Variants in MTNR1B observed in about 807,000 individuals in gnomAD.
MTNR1B encodes the protein melatonin receptor 1B, also known as melatonin receptor type 1B.
A neutral mutation model predicts 7.0 loss-of-function variants in MTNR1B; 7 were observed. That is an observed-to-expected ratio of 1.00 (90% CI 0.57 to 1.88). The LOEUF (loss-of-function observed/expected upper bound fraction) is 1.88. Among genes scored for constraint, MTNR1B ranks in the 40% most tolerant of loss-of-function variants. The pLI, the probability that MTNR1B is intolerant of heterozygous loss-of-function variation, is 0.00. For synonymous variants in MTNR1B, 226 were observed against 208.2 expected (o/e 1.09, Z -0.74); for missense variants, 478 against 486.5 (o/e 0.98, Z 0.16).
At chr11:92,974,671 G>A (rs1212007259) in intron 1 of MTNR1B, among the ~76,000 whole-genome samples, 9 of 151,442 alleles carry the variant, frequency 5.9e-5, no homozygotes, top group South Asian at 4.2e-4. Flanking sequence ...GCGCAATCTC[G>A]GCTCACTGCA....
At chr11:92,972,447 CT>C (rs762498015) in intron 1 of MTNR1B, 31 of 423,308 alleles carry the variant, frequency 7.3e-5, no homozygotes, top group South Asian at 1.4e-4. Context: ...GATTAATTGT[CT>C]TTTTTTTTTC....
At chr11:92,978,415 C>T (rs1209496683) in intron 1 of MTNR1B, among the ~76,000 whole-genome samples, 3 of 152,182 alleles carry the variant, frequency 2.0e-5, no homozygotes, top group Non-Finnish European at 4.4e-5. Flanking sequence ...TCCACTAATA[C>T]ACCCTATCTG....
intron 1 of MTNR1B, among the ~76,000 whole-genome samples, chr11:92,972,019 G>T (rs901594369): frequency 1.3e-5 from 2 of 152,168 alleles, no homozygotes; most frequent in African/African-American, 2.4e-5. Context: ...TGTGACCTCT[G>T]GCTTTATTGG....
intron 1 of MTNR1B, among the ~76,000 whole-genome samples, chr11:92,975,633 C>G (rs12272268): frequency 0.092 from 14,069 of 152,218 alleles, 1,461 homozygotes; most frequent in African/African-American, 0.25. Context: ...GATTAGAAAA[C>G]AGTCTGCACT....
chr11:92,969,872 C>T lies in MTNR1B; in HGVS notation c.147C>T (p.Val49=). The change falls in exon 1 of 2, where the codon GTC becomes GTT. Residue 49 remains valine (V), a synonymous_variant. Transcript: ENST00000257068. ...VAPALSAVLI[V]TTAVDVVGNL... is the part of the protein sequence containing the mutation. ...CAGCGCTGTCCGCGGTGCTCATCGT[C>T]ACCACCGCCGTGGACGTCGTGGGCA... 6.2e-7 allele frequency: 1 copy of T among 1,611,974 alleles called. No individual in the cohort carries two copies. Among genetic ancestry groups the T allele is most frequent in the Non-Finnish European group, 8.5e-7 (1 of 1,179,576 alleles).
chr11:92,982,394 C>A lies in MTNR1B; in HGVS notation c.*82C>A. ...CTGCTGCAAGGGTGAGACCAGGCAGCCTGCTGGGCCACACTGTCCTGTTGG... is the reference window on the plus strand; with the variant it reads ...CTGCTGCAAGGGTGAGACCAGGCAGACTGCTGGGCCACACTGTCCTGTTGG... On this transcript the variant is annotated 3_prime_UTR_variant, in exon 2 of 2. Transcript: ENST00000257068. 3 of 1,473,518 alleles carry A rather than the reference C, an allele frequency of 2.0e-6. No individual in the cohort carries two copies. 91.3% of individuals were successfully genotyped at this position (1,473,518 alleles called of 1,614,324 possible). A position where few individuals can be genotyped will look rare whatever the true frequency, so the allele number is the denominator to read the frequency against.
chr11:92,983,577 G>T (rs1858154512), downstream of MTNR1B, among the ~76,000 whole-genome samples: 1 of 152,038 alleles, frequency 6.6e-6, no homozygotes, highest in African/African-American at 2.4e-5. Context: ...GGAGAAAATG[G>T]GGTAGGGGAC....
At position 92,982,651 on chromosome 11, in the gene MTNR1B, C is replaced by T; in HGVS notation, c.*339C>T. ...GCTGACCCTCATCCTCCTGCCTTGG[C>T]CTCCTGGCTGCTTTCTCCCCTTCCC... is the stretch of plus-strand genomic sequence containing the variant. On this transcript the variant is annotated 3_prime_UTR_variant, in exon 2 of 2. Transcript: ENST00000257068. 3 of 296,732 alleles carry T rather than the reference C, an allele frequency of 1.0e-5. No homozygotes were observed. Among genetic ancestry groups the T allele is most frequent in the Admixed American group, 4.7e-5 (1 of 21,364 alleles). 18.4% of individuals were successfully genotyped at this position (296,732 alleles called of 1,614,324 possible).
Position 92,982,211 on chromosome 11 carries a change from C to G in MTNR1B, c.988C>G (p.Arg330Gly), listed in dbSNP as rs552946015. The G allele has an allele frequency of 9.3e-6, 15 of 1,614,082 alleles. No individual in the cohort carries two copies. Among genetic ancestry groups the G allele is most frequent in the Non-Finnish European group, 1.3e-5 (15 of 1,180,042 alleles). The change falls in exon 2 of 2, where the codon CGG becomes GGG. Residue 330 changes from arginine to glycine, a missense_variant. Arg to Gly is a moderately radical substitution (Grantham distance 125). Coordinates refer to ENST00000257068, the MANE Select transcript of MTNR1B (RefSeq NM_005959.5). ...GATCCTCTTGGCCCTTTGGAACCCA[C>G]GGCACTGCATTCAAGATGCTTCCAA... ...KRILLALWNP[R>G]HCIQDASKGS...
rs565711417 is a variant in MTNR1B, at chr11:92,973,459, C to A, written c.223+3511C>A. Among the ~76,000 whole-genome samples, 415 of 152,298 alleles carry A rather than the reference C, an allele frequency of 2.7e-3. 3 individuals are homozygous for A. Among genetic ancestry groups the A allele is most frequent in the African/African-American group, 9.6e-3 (398 of 41,558 alleles). Reference sequence around the variant, plus strand: ...AGCTCCCACGGCCATTTGCGGCTGGCCTAGCCCACCTAACTTACAGCCTCA... The same window carrying A: ...AGCTCCCACGGCCATTTGCGGCTGGACTAGCCCACCTAACTTACAGCCTCA... On this transcript the variant is annotated intron_variant, in intron 1 of 1. Coordinates refer to ENST00000257068, the MANE Select transcript of MTNR1B (RefSeq NM_005959.5).
downstream of MTNR1B, among the ~76,000 whole-genome samples, chr11:92,983,748 G>A (rs1858156983): frequency 6.6e-6 from 1 of 152,166 alleles, no homozygotes; most frequent in Non-Finnish European, 1.5e-5. Context: ...GGCCAGGACT[G>A]GTTTGTTGCC....
rs991744023 is a variant in MTNR1B, at chr11:92,969,774, G to C, written c.49G>C (p.Ala17Pro). The C allele has an allele frequency of 6.5e-7, 1 of 1,534,540 alleles. No homozygotes were observed. The highest frequency in any genetic ancestry group is 8.8e-7 in the Non-Finnish European group (1 of 1,140,128). ...FANCCEAGGW[A>P]VRPGWSGAGS... ...CAACTGCTGCGAGGCGGGCGGGTGGGCAGTGCGCCCGGGCTGGTCGGGGGC... is the reference window on the plus strand; with the variant it reads ...CAACTGCTGCGAGGCGGGCGGGTGGCCAGTGCGCCCGGGCTGGTCGGGGGC... Residue 17 changes from alanine (A) to proline (P), a missense_variant, in exon 1 of 2, where the codon GCA becomes CCA. Ala to Pro is a conservative substitution (Grantham distance 27). Coordinates refer to ENST00000257068, the MANE Select transcript of MTNR1B (RefSeq NM_005959.5).
Position 92,969,700 on chromosome 11 carries a change from C to T in MTNR1B, c.-26C>T, listed in dbSNP as rs1212339116. The T allele has an allele frequency of 3.5e-6, 5 of 1,422,742 alleles. No homozygotes were observed. In the South Asian group the frequency reaches 7.6e-5, roughly 22 times the overall value. 88.1% of individuals were successfully genotyped at this position (1,422,742 alleles called of 1,614,324 possible). On this transcript the variant is annotated 5_prime_UTR_variant, in exon 1 of 2. Transcript: ENST00000257068. ...CGGCTGTCCGGGGCCGCGCGGTGGC[C>T]AAAGCACAGCGCGGGAGAGTCTGCG...
intron 1 of MTNR1B, chr11:92,972,318 A>G: frequency 2.3e-6 from 1 of 433,870 alleles, no homozygotes; most frequent in Non-Finnish European, 4.7e-6. Flanking sequence ...TTGAGGTCAC[A>G]GCATGTTTCC....
At position 92,981,472 on chromosome 11, in the gene MTNR1B, A is replaced by G; in HGVS notation, c.249A>G (p.Ala83=). ...NAGNLFLVSL[A]LADLVVAFYP... is the part of the protein sequence containing the mutation. ...GTAATTTGTTCTTGGTGAGTCTGGC[A>G]TTGGCTGACCTGGTGGTGGCCTTCT... The change falls in exon 2 of 2, where the codon GCA becomes GCG. Residue 83 remains alanine (A), a synonymous_variant. Transcript: ENST00000257068. The G allele has an allele frequency of 6.2e-7, 1 of 1,613,928 alleles. No homozygotes were observed. The highest frequency in any genetic ancestry group is 8.5e-7 in the Non-Finnish European group (1 of 1,179,922).
chr11:92,978,453 C>T (rs574697357), intron 1 of MTNR1B, among the ~76,000 whole-genome samples: 4 of 152,254 alleles, frequency 2.6e-5, no homozygotes, highest in South Asian at 4.1e-4. Flanking sequence ...CGAGTCACGC[C>T]AGGACCCATG....
At chr11:92,977,178 T>C (rs959941801) in intron 1 of MTNR1B, among the ~76,000 whole-genome samples, 4 of 152,248 alleles carry the variant, frequency 2.6e-5, no homozygotes, top group Admixed American at 1.3e-4. Flanking sequence ...GTGTACACTA[T>C]TGATTAGCCA....
chr11:92,982,443 A>T lies in MTNR1B; in HGVS notation c.*131A>T. The T allele has an allele frequency of 8.7e-7, 1 of 1,148,576 alleles. No homozygotes were observed. Among genetic ancestry groups the T allele is most frequent in the Non-Finnish European group, 1.2e-6 (1 of 833,366 alleles). 71.1% of individuals were successfully genotyped at this position (1,148,576 alleles called of 1,614,324 possible). A position where few individuals can be genotyped will look rare whatever the true frequency, so the allele number is the denominator to read the frequency against. ...GGCATCACAGCCCCAAGGCTGGGGG[A>T]ACTTCATGCTGGGACAAGCAGCCCA... On this transcript the variant is annotated 3_prime_UTR_variant, in exon 2 of 2. Transcript: ENST00000257068.
chr11:92,977,341 A>C (rs1858025423), intron 1 of MTNR1B, among the ~76,000 whole-genome samples: 1 of 152,220 alleles, frequency 6.6e-6, no homozygotes, highest in Non-Finnish European at 1.5e-5. Flanking sequence ...GCTTACAATA[A>C]ATGCATTGTT....
Sources: allele counts gnomAD v4.1 joint callset (sites outside exome capture counted in the v4.1 genomes callset), GRCh38; gene constraint gnomAD v4.1.1; transcripts MANE v1.5; gene names NCBI Gene and HGNC (gene_info 2026-07-23, HGNC 2026-07-21).